ST6GAL2: variants seen among roughly 807,000 people sequenced by gnomAD.
ST6GAL2 encodes the protein beta-galactoside alpha-2,6-sialyltransferase 2.
ST6GAL2 carries 24 observed loss-of-function variants against 37.5 expected under a neutral mutation model. The ratio of observed to expected loss-of-function variants is 0.64; its 90% CI spans 0.46 to 0.90. The LOEUF (loss-of-function observed/expected upper bound fraction) is 0.90, where lower values mean the gene tolerates loss of function less well. Ranked by LOEUF, ST6GAL2 falls within the 40% of genes least tolerant of loss-of-function variation. The pLI is 0.00. For missense variants in ST6GAL2, 715 were observed against 712.7 expected, an observed-to-expected ratio of 1.00 and a Z score of -0.04; for synonymous variants, 306 against 295.1, an observed-to-expected ratio of 1.04 and a Z score of -0.38.
chr2:106,832,890 T>G (rs1457201903), intron 3 of ST6GAL2, among the ~76,000 whole-genome samples: 1 of 152,178 alleles, frequency 6.6e-6, no homozygotes, highest in Admixed American at 6.5e-5. Context: ...TTCTGACATT[T>G]TCACCAGCAA....
chr2:106,809,589 T>A (rs1675536161), intron 5 of ST6GAL2, among the ~76,000 whole-genome samples: 2 of 152,286 alleles, frequency 1.3e-5, no homozygotes, highest in African/African-American at 2.4e-5. Flanking sequence ...AAGTTCAGCA[T>A]GGAAAAGAAT....
chr2:106,853,086 A>G (rs1236610338), intron 1 of ST6GAL2, among the ~76,000 whole-genome samples: 1 of 152,196 alleles, frequency 6.6e-6, no homozygotes, highest in Non-Finnish European at 1.5e-5. Flanking sequence ...CTCAAGCACC[A>G]GCCTTAAAAT....
chr2:106,879,940 T>TTA (rs1030232377), intron 1 of ST6GAL2, among the ~76,000 whole-genome samples: 3 of 148,200 alleles, frequency 2.0e-5, no homozygotes, highest in African/African-American at 7.4e-5. Flanking sequence ...TTATATACTA[T>TTA]TATATATATA....
chr2:106,843,243 C>G lies in ST6GAL2; in HGVS notation c.735G>C (p.Gly245=). The G allele has an allele frequency of 6.3e-7, 1 of 1,585,120 alleles. No individual in the cohort carries two copies. Among genetic ancestry groups the G allele is most frequent in the Middle Eastern group, 1.7e-4 (1 of 5,986 alleles). ...GVRFRGKREA[G]LSRAQLLCQL... is the part of the protein sequence containing the mutation. Reference sequence around the variant, plus strand: ...GGCACAGCAGCTGTGCCCTGCTCAGCCCGGCCTCCCGCTTCCCGCGGAAGC... The same window carrying G: ...GGCACAGCAGCTGTGCCCTGCTCAGGCCGGCCTCCCGCTTCCCGCGGAAGC... The change falls in exon 2 of 6, where the codon GGG becomes GGC. Residue 245 remains glycine (G), a synonymous_variant. Coordinates refer to ENST00000409382, the MANE Select transcript of ST6GAL2 (RefSeq NM_001142351.2).
intron 2 of ST6GAL2, among the ~76,000 whole-genome samples, chr2:106,841,546 C>T (rs949904798): frequency 6.6e-6 from 1 of 152,124 alleles, no homozygotes; most frequent in Non-Finnish European, 1.5e-5. Context: ...GCCTAAAGGG[C>T]CAAGCTGCTT....
rs771652703 is a variant in ST6GAL2, at chr2:106,843,445, C to T, written c.533G>A (p.Arg178Gln). Residue 178 changes from arginine to glutamine, a missense_variant, in exon 2 of 6, where the codon CGG becomes CAG. Coordinates refer to ENST00000409382, the MANE Select transcript of ST6GAL2 (RefSeq NM_001142351.2). The part of the protein sequence containing the change: ...VQRRRVKKRH[R>Q]RQRRSHVLEE... ...CAACACGTGGCTCCTTCTCTGCCTC[C>T]GGTGCCTCTTCTTCACCCGCCTCCT... The T allele has an allele frequency of 2.5e-6, 4 of 1,614,012 alleles. No individual in the cohort carries two copies. The highest frequency in any genetic ancestry group is 3.3e-5 in the Admixed American group (2 of 60,008).
chr2:106,806,831 G>T lies in ST6GAL2; in HGVS notation c.1437C>A (p.Leu479=). 1.2e-6 allele frequency: 2 copies of T among 1,614,144 alleles called. No homozygotes were observed. The highest frequency in any genetic ancestry group is 1.7e-6 in the Non-Finnish European group (2 of 1,180,046). Residue 479 remains leucine, a synonymous_variant, in exon 6 of 6, where the codon CTC becomes CTA. Transcript: ENST00000409382. ...HELYYDAACT[L]GAYHPLLYEK... is the part of the protein sequence containing the mutation. Reference sequence around the variant, plus strand: ...CATAGAGTAGTGGGTGGTACGCCCCGAGGGTGCAGGCTGCGTCGTAGTACA... The same window carrying T: ...CATAGAGTAGTGGGTGGTACGCCCCTAGGGTGCAGGCTGCGTCGTAGTACA...
At chr2:106,840,193 C>T (rs1676819299) in intron 2 of ST6GAL2, among the ~76,000 whole-genome samples, 1 of 152,132 alleles carries the variant, frequency 6.6e-6, no homozygotes, top group Non-Finnish European at 1.5e-5. Context: ...TTCATAAGAT[C>T]GTGATCTTTG....
intron 1 of ST6GAL2, among the ~76,000 whole-genome samples, chr2:106,849,856 C>T (rs7575610): frequency 0.87 from 132,078 of 152,206 alleles, 57,431 homozygotes; most frequent in East Asian, 0.98. Flanking sequence ...AATGTACCTA[C>T]GACTTATAAA....
chr2:106,871,629 T>C (rs4676308), intron 1 of ST6GAL2, among the ~76,000 whole-genome samples: 132,743 of 152,208 alleles, frequency 0.87, 58,057 homozygotes, highest in East Asian at 0.98. Flanking sequence ...ATTTTTTAAA[T>C]TTTTTTGTTA....
At chr2:106,829,680 C>T (rs531717020) in intron 5 of ST6GAL2, among the ~76,000 whole-genome samples, 1 of 152,172 alleles carries the variant, frequency 6.6e-6, no homozygotes, top group African/African-American at 2.4e-5. Flanking sequence ...GTCTGTTACA[C>T]GAGTGTTTTT....
At chr2:106,856,465 T>C (rs2104565937) in intron 1 of ST6GAL2, among the ~76,000 whole-genome samples, 1 of 152,306 alleles carries the variant, frequency 6.6e-6, no homozygotes, top group South Asian at 2.1e-4. Flanking sequence ...AAAGGGAGGA[T>C]TGGCTACCCA....
chr2:106,869,000 A>G (rs1678152067), intron 1 of ST6GAL2, among the ~76,000 whole-genome samples: 1 of 152,162 alleles, frequency 6.6e-6, no homozygotes. Context: ...CTATGGTGAA[A>G]GGAGTTTCTT....
rs1458189316 is a variant in ST6GAL2, at chr2:106,803,462, T to A, written c.*3216A>T. On this transcript the variant is annotated 3_prime_UTR_variant, in exon 6 of 6. Transcript: ENST00000409382. ...CTCTATAAGGACATAGTGAGAAAGG[T>A]CAGCTCCCTGGGACGAGCATCGGTA... The A allele has an allele frequency of 6.6e-6, 1 of 152,178 alleles. No homozygotes were observed. The highest frequency in any genetic ancestry group is 1.5e-5 in the Non-Finnish European group (1 of 68,054). The allele number at this position is 152,178 out of a possible 1,614,324, so 9.4% of individuals were successfully genotyped here.
At chr2:106,817,229 C>T (rs1252130556) in intron 5 of ST6GAL2, among the ~76,000 whole-genome samples, 1 of 152,244 alleles carries the variant, frequency 6.6e-6, no homozygotes, top group Non-Finnish European at 1.5e-5. Flanking sequence ...TGGCGAGACA[C>T]AAGCTAGGGC....
intron 1 of ST6GAL2, among the ~76,000 whole-genome samples, chr2:106,846,980 T>C (rs964628851): frequency 2.0e-5 from 3 of 152,176 alleles, no homozygotes; most frequent in Non-Finnish European, 4.4e-5. Flanking sequence ...AAGCAGCAGA[T>C]ATTACATGCA....
rs148296051 is a variant in ST6GAL2, at chr2:106,803,660, G to A, written c.*3018C>T. ...ACAACAACAACAACAACAACAACAG[G>A]TGAAATTATCTTGAAATACAAAAGA... On this transcript the variant is annotated 3_prime_UTR_variant, in exon 6 of 6. Transcript: ENST00000409382. The A allele has an allele frequency of 5.9e-4, 89 of 151,458 alleles. No homozygotes were observed. Among genetic ancestry groups the A allele is most frequent in the African/African-American group, 2.1e-3 (88 of 41,224 alleles). 9.4% of individuals were successfully genotyped at this position (151,458 alleles called of 1,614,324 possible).
Position 106,864,230 on chromosome 2 carries a change from C to T in ST6GAL2, c.-57-20196G>A, listed in dbSNP as rs149490655. Reference sequence around the variant, plus strand: ...AAAACCAACCTCTCTCCCTGCAGCCCTGGAGACTACAGGCACTGCCAGACA... The same window carrying T: ...AAAACCAACCTCTCTCCCTGCAGCCTTGGAGACTACAGGCACTGCCAGACA... On this transcript the variant is annotated intron_variant, in intron 1 of 5. Transcript: ENST00000409382. Among the ~76,000 whole-genome samples the T allele has an allele frequency of 7.5e-3, 1,139 of 152,328 alleles. 4 individuals are homozygous for T. The highest frequency in any genetic ancestry group is 0.012 in the Non-Finnish European group (836 of 68,028).
At chr2:106,814,554 G>A (rs935760200) in intron 5 of ST6GAL2, among the ~76,000 whole-genome samples, 2 of 151,550 alleles carry the variant, frequency 1.3e-5, no homozygotes, top group African/African-American at 4.8e-5. Flanking sequence ...ATTGGCAATT[G>A]TACCTTAAAA....
Sources: allele counts gnomAD v4.1 joint callset (sites outside exome capture counted in the v4.1 genomes callset), GRCh38; gene constraint gnomAD v4.1.1; transcripts MANE v1.5; gene names NCBI Gene and HGNC (gene_info 2026-07-23, HGNC 2026-07-21).